Variants in URI1 observed in about 807,000 individuals in gnomAD.
URI1 encodes the protein unconventional prefoldin RPB5 interactor 1.
Under a neutral mutation model 60.2 loss-of-function variants are expected in URI1, and 39 were observed. The ratio of observed to expected loss-of-function variants is 0.65; its 90% CI spans 0.50 to 0.85. URI1 has a LOEUF of 0.85. Among genes scored for constraint, URI1 ranks in the 40% least tolerant of loss-of-function variants. The probability of loss-of-function intolerance (pLI) is 0.00; values close to 1 mark genes in which losing one functional copy is unlikely to be tolerated. For missense variants in URI1, 691 were observed against 665.9 expected, an observed-to-expected ratio of 1.04 and a Z score of -0.42; for synonymous variants, 251 against 236.8, an observed-to-expected ratio of 1.06 and a Z score of -0.55.
intron 1 of URI1, among the ~76,000 whole-genome samples, chr19:29,931,200 T>C (rs1223811164): frequency 1.3e-5 from 2 of 152,150 alleles, no homozygotes; most frequent in Non-Finnish European, 2.9e-5. Flanking sequence ...GCACTGAATC[T>C]GTGGATGGCT....
chr19:29,944,075 G>T (rs1425858259), intron 1 of URI1, among the ~76,000 whole-genome samples: 2 of 140,504 alleles, frequency 1.4e-5, no homozygotes, highest in African/African-American at 5.4e-5. Flanking sequence ...GGCGTTTGAG[G>T]CTGCAGTGGG....
chr19:29,931,181 A>G (rs2054914137), intron 1 of URI1, among the ~76,000 whole-genome samples: 1 of 152,150 alleles, frequency 6.6e-6, no homozygotes, highest in Non-Finnish European at 1.5e-5. Flanking sequence ...TTGGGATTGG[A>G]TAGGAATTGC....
intron 1 of URI1, among the ~76,000 whole-genome samples, chr19:29,935,464 T>C (rs1322475127): frequency 6.6e-6 from 1 of 152,200 alleles, no homozygotes; most frequent in East Asian, 1.9e-4. Context: ...CTGGCTTTTA[T>C]ATTTACTGAT....
chr19:29,957,110 C>G (rs138894832), intron 1 of URI1: 2 of 446,380 alleles, frequency 4.5e-6, no homozygotes, highest in African/African-American at 4.0e-5. Context: ...GCAGGAAAAC[C>G]GTAAAAGAAA....
In URI1 at chr19:30,011,245, C is replaced by T. The variant is rs1239025372; in HGVS notation, c.1178+9C>T. The T allele has an allele frequency of 2.1e-5, 34 of 1,593,612 alleles. No individual in the cohort carries two copies. Among genetic ancestry groups the T allele is most frequent in the Non-Finnish European group, 2.8e-5 (33 of 1,173,590 alleles). On this transcript the variant is annotated intron_variant, in intron 9 of 10. Transcript: ENST00000392271. ...CCTGCAGACATTTACAGGTGGGAGGCGCTCACAGCTGCAGGGCAGTCTGCT... is the reference window on the plus strand; with the variant it reads ...CCTGCAGACATTTACAGGTGGGAGGTGCTCACAGCTGCAGGGCAGTCTGCT...
At position 30,007,602 on chromosome 19, in the gene URI1, TAG is replaced by T; in HGVS notation, c.656_657del (p.Arg219ThrfsTer7). 1 of 1,610,986 alleles carries T rather than the reference TAG, an allele frequency of 6.2e-7. No homozygotes were observed. The highest frequency in any genetic ancestry group is 8.5e-7 in the Non-Finnish European group (1 of 1,178,550). ...GAACTGTGGGCTCGACTTGAAGAAC[TAG>T]AGAGACAGGAAGAATTGCTGGGTGA... On this transcript the variant is annotated frameshift_variant, in exon 7 of 11. Coordinates refer to ENST00000392271, the MANE Select transcript of URI1 (RefSeq NM_003796.3). LOFTEE classifies it high-confidence loss of function.
intron 4 of URI1, among the ~76,000 whole-genome samples, chr19:29,988,745 C>T (rs1318536348): frequency 1.3e-5 from 2 of 152,110 alleles, no homozygotes; most frequent in East Asian, 3.9e-4. Context: ...TGCTGTAAGC[C>T]TTTGTGTACA....
intron 2 of URI1, among the ~76,000 whole-genome samples, chr19:29,984,514 T>G (rs1169927359): frequency 1.3e-5 from 2 of 152,164 alleles, no homozygotes; most frequent in East Asian, 3.9e-4. Flanking sequence ...CCCTTAATTT[T>G]CACATTTTAT....
intron 1 of URI1, chr19:29,956,475 G>C: frequency 6.3e-7 from 1 of 1,590,342 alleles, no homozygotes; most frequent in Non-Finnish European, 8.5e-7. Context: ...AAAATTTCCT[G>C]ATATCCTTGT....
Position 29,942,543 on chromosome 19 carries a change from CCGTCAT to C in URI1, c.-4_2del. The C allele has an allele frequency of 7.1e-7, 1 of 1,403,568 alleles. No homozygotes were observed. Among genetic ancestry groups the C allele is most frequent in the Non-Finnish European group, 9.3e-7 (1 of 1,078,968 alleles). 86.9% of individuals were successfully genotyped at this position (1,403,568 alleles called of 1,614,324 possible). On this transcript the variant is annotated start_lost and 5_prime_UTR_variant, in exon 1 of 11. Coordinates refer to ENST00000392271, the MANE Select transcript of URI1 (RefSeq NM_003796.3). ...ACACGCCGCGCTGAGGCCCGCGGGC[CCGTCAT>C]GGAGGCGCCCACCGTGGAGACGCCC...
intron 1 of URI1, among the ~76,000 whole-genome samples, chr19:29,926,932 T>C (rs958195905): frequency 3.3e-5 from 5 of 152,194 alleles, no homozygotes; most frequent in African/African-American, 4.8e-5. Flanking sequence ...CTGCTTGTAC[T>C]GAGTCTGGCT....
At chr19:29,936,852 A>G (rs1435478615) in intron 1 of URI1, among the ~76,000 whole-genome samples, 1 of 151,990 alleles carries the variant, frequency 6.6e-6, no homozygotes, top group African/African-American at 2.4e-5. Flanking sequence ...TTCTTGATTC[A>G]AGTGATTCTC....
intron 10 of URI1, among the ~76,000 whole-genome samples, chr19:30,013,339 A>T (rs1274464289): frequency 6.6e-6 from 1 of 152,200 alleles, no homozygotes; most frequent in African/African-American, 2.4e-5. Context: ...ATGGTATTAT[A>T]CTCAGTGTAT....
intron 1 of URI1, among the ~76,000 whole-genome samples, chr19:29,943,622 A>G (rs1352017790): frequency 6.6e-6 from 1 of 152,200 alleles, no homozygotes; most frequent in Admixed American, 6.5e-5. Context: ...GACTGTTTAC[A>G]TAGATACAAA....
intron 1 of URI1, chr19:29,956,640 GAAATTT>G: frequency 1.3e-6 from 2 of 1,517,530 alleles, no homozygotes; most frequent in Non-Finnish European, 1.8e-6. Context: ...TTTCACCCAA[GAAATTT>G]CGGATTTCAA....
chr19:29,988,535 G>A (rs1366460352), intron 4 of URI1, among the ~76,000 whole-genome samples: 3 of 152,328 alleles, frequency 2.0e-5, no homozygotes, highest in East Asian at 1.9e-4. Flanking sequence ...ACGACTTCAC[G>A]TCTGTGTCTT....
intron 4 of URI1, among the ~76,000 whole-genome samples, chr19:29,990,317 A>G (rs777926480): frequency 6.6e-6 from 1 of 152,238 alleles, no homozygotes; most frequent in Non-Finnish European, 1.5e-5. Context: ...TGGGGAAGCC[A>G]CTTTGGAGAA....
chr19:29,957,677 G>T (rs1037709207), intron 1 of URI1, among the ~76,000 whole-genome samples: 1 of 152,012 alleles, frequency 6.6e-6, no homozygotes, highest in East Asian at 1.9e-4. Context: ...TAACATTACT[G>T]GGGTTTTGCT....
chr19:29,980,413 A>G (rs902096792), intron 2 of URI1: 8 of 151,950 alleles, frequency 5.3e-5, no homozygotes, highest in African/African-American at 1.7e-4. Flanking sequence ...TATATATTGT[A>G]TATATTCCAG....
Sources: allele counts gnomAD v4.1 joint callset (sites outside exome capture counted in the v4.1 genomes callset), GRCh38; gene constraint gnomAD v4.1.1; transcripts MANE v1.5; gene names NCBI Gene and HGNC (gene_info 2026-07-23, HGNC 2026-07-21).